TSC1: variants seen among roughly 807,000 people sequenced by gnomAD.
TSC1 encodes the protein hamartin.
A neutral mutation model predicts 124.3 loss-of-function variants in TSC1; 20 were observed. The ratio of observed to expected loss-of-function variants is 0.16; its 90% CI spans 0.11 to 0.23. The LOEUF (loss-of-function observed/expected upper bound fraction) is 0.23. Ranked by LOEUF, TSC1 falls within the 10% of genes least tolerant of loss-of-function variation. TSC1 has a pLI of 1.00. For synonymous variants in TSC1, 493 were observed against 539.1 expected (o/e 0.91, Z 1.19); for missense variants, 1,124 against 1,448.5 (o/e 0.78, Z 3.64).
At position 132,910,613 on chromosome 9, in the gene TSC1, C is replaced by T. The variant is rs745463008; in HGVS notation, c.1221G>A (p.Val407=). The T allele has an allele frequency of 6.2e-7, 1 of 1,614,084 alleles. No homozygotes were observed. Among genetic ancestry groups the T allele is most frequent in the South Asian group, 1.1e-5 (1 of 91,082 alleles). Residue 407 remains valine, a synonymous_variant, in exon 12 of 23, where the codon GTG becomes GTA. Transcript: ENST00000298552. ...PAPLCHSDDY[V]HISLPQATVT... ...CTGTGGCCTGGGGGAGTGAAATGTG[C>T]ACGTAGTCATCCGAATGACAGAGTG...
rs114315600 is a variant in TSC1, at chr9:132,910,414, T to G, written c.1263+157A>C. 99 of 1,409,248 alleles carry G rather than the reference T, an allele frequency of 7.0e-5. No homozygotes were observed. The African/African-American group carries it at 1.3e-3, about 18-fold the overall frequency. 87.3% of individuals were successfully genotyped at this position (1,409,248 alleles called of 1,614,324 possible). A position where few individuals can be genotyped will look rare whatever the true frequency, so the allele number is the denominator to read the frequency against. ...CACCCAGGGGTCGGCAGATCACACC[T>G]TGAGAGCAGCTTGTTAGTCCATTTT... On this transcript the variant is annotated intron_variant, in intron 12 of 22. Coordinates refer to ENST00000298552, the MANE Select transcript of TSC1 (RefSeq NM_000368.5).
At chr9:132,900,449 G>C (rs1251934119) in intron 20 of TSC1, 3 of 466,954 alleles carry the variant, frequency 6.4e-6, no homozygotes, top group Non-Finnish European at 1.2e-5. Flanking sequence ...GCCTAGGGAA[G>C]AGAAAGGAAA....
chr9:132,907,228 A>T (rs1845718040), intron 13 of TSC1, 73 bp downstream of exon 13: 2 of 1,308,200 alleles, frequency 1.5e-6, no homozygotes, highest in African/African-American at 2.9e-5. Context: ...TTTCCATTTA[A>T]CTTTCTTTTC....
Position 132,905,904 on chromosome 9 carries a change from G to A in TSC1, c.1674C>T (p.Pro558=), listed in dbSNP as rs878853962. ...CAGGGCTTTCATCAGCACTGCCGCAGGGCAGGTCTATGGGAGTAAAGGCTT... is the reference window on the plus strand; with the variant it reads ...CAGGGCTTTCATCAGCACTGCCGCAAGGCAGGTCTATGGGAGTAAAGGCTT... ...PKQAFTPIDL[P]CGSADESPAG... is the part of the protein sequence containing the mutation. The change falls in exon 15 of 23, where the codon CCC becomes CCT. Residue 558 remains proline (P), a synonymous_variant. Transcript: ENST00000298552. The A allele has an allele frequency of 5.0e-6, 8 of 1,612,448 alleles. No individual in the cohort carries two copies. In the East Asian group the frequency reaches 6.7e-5, roughly 13 times the overall value.
intron 6 of TSC1, among the ~76,000 whole-genome samples, chr9:132,922,310 G>A (rs1846613426): frequency 1.3e-5 from 2 of 152,080 alleles, no homozygotes; most frequent in South Asian, 4.1e-4. Context: ...CTATCTTTAT[G>A]ATGATAGCTC....
At chr9:132,931,807 G>A (rs1847218306) in intron 2 of TSC1, among the ~76,000 whole-genome samples, 1 of 152,150 alleles carries the variant, frequency 6.6e-6, no homozygotes, top group African/African-American at 2.4e-5. Context: ...ATGTTTTATA[G>A]CAGAAAAAAA....
chr9:132,928,479 A>C (rs1357544166), intron 3 of TSC1, among the ~76,000 whole-genome samples: 1 of 152,232 alleles, frequency 6.6e-6, no homozygotes, highest in East Asian at 1.9e-4. Context: ...ATTTACAGTT[A>C]AAGCAACATC....
chr9:132,937,524 AG>A (rs1847519657), intron 1 of TSC1, among the ~76,000 whole-genome samples: 1 of 152,250 alleles, frequency 6.6e-6, no homozygotes, highest in African/African-American at 2.4e-5. Flanking sequence ...TAGTCCAGTG[AG>A]TCATATAGAC....
chr9:132,917,450 C>T (rs879813249), intron 8 of TSC1, among the ~76,000 whole-genome samples: 3 of 152,162 alleles, frequency 2.0e-5, no homozygotes, highest in Non-Finnish European at 2.9e-5. Context: ...CCTGCCTCAG[C>T]CTCCCAAGTA....
chr9:132,900,632 A>G, intron 20 of TSC1, 83 bp downstream of exon 20: 3 of 1,605,370 alleles, frequency 1.9e-6, no homozygotes, highest in East Asian at 2.2e-5. Flanking sequence ...TCATCAAGCC[A>G]TTCTCTATGC....
intron 20 of TSC1, 73 bp downstream of exon 20, chr9:132,900,642 C>A (rs1157216304): frequency 6.2e-7 from 1 of 1,608,016 alleles, no homozygotes; most frequent in Non-Finnish European, 8.5e-7. Flanking sequence ...ATTCTCTATG[C>A]CATGCGGGAG....
intron 15 of TSC1, 97 bp downstream of exon 15, chr9:132,905,484 G>A (rs1485863898): frequency 6.5e-7 from 1 of 1,548,616 alleles, no homozygotes; most frequent in African/African-American, 1.4e-5. Context: ...CCTCAAGGTG[G>A]GAGTGTGAAG....
chr9:132,927,110 T>C, intron 4 of TSC1, 91 bp downstream of exon 4: 1 of 1,254,566 alleles, frequency 8.0e-7, no homozygotes, highest in Non-Finnish European at 1.1e-6. Flanking sequence ...ATCAAAAGAA[T>C]AAGCTCAGGA....
chr9:132,932,498 A>G (rs1847254120), intron 2 of TSC1, among the ~76,000 whole-genome samples: 1 of 152,218 alleles, frequency 6.6e-6, no homozygotes, highest in Non-Finnish European at 1.5e-5. Flanking sequence ...CCAAATAACC[A>G]CAAGAGACAT....
chr9:132,894,774 T>C lies in TSC1; in HGVS notation c.*1461A>G, dbSNP rs1219426178. ...GCACTAAGATTTCGTACCGTGACAG[T>C]TTTTTACCTCTTTATGACTGAATCC... On this transcript the variant is annotated 3_prime_UTR_variant, in exon 23 of 23. Coordinates refer to ENST00000298552, the MANE Select transcript of TSC1 (RefSeq NM_000368.5). 4.3e-6 allele frequency: 1 copy of C among 230,658 alleles called. No homozygotes were observed. The highest frequency in any genetic ancestry group is 8.6e-6 in the Non-Finnish European group (1 of 116,650). The allele number at this position is 230,658 out of a possible 1,614,324, so 14.3% of individuals were successfully genotyped here.
intron 1 of TSC1, among the ~76,000 whole-genome samples, chr9:132,935,603 T>C (rs1040865775): frequency 3.3e-5 from 5 of 152,348 alleles, no homozygotes; most frequent in South Asian, 2.1e-4. Flanking sequence ...GGAGGAGCCA[T>C]GTGAGGCAGG....
chr9:132,929,011 A>C, intron 2 of TSC1, 59 bp from the exon 3 acceptor site: 2 of 1,451,822 alleles, frequency 1.4e-6, no homozygotes, highest in South Asian at 1.3e-5. Flanking sequence ...ATAAAAAAAG[A>C]AAATACCTGC....
At chr9:132,905,547 A>G in intron 15 of TSC1, 34 bp downstream of exon 15, 1 of 1,612,904 alleles carries the variant, frequency 6.2e-7, no homozygotes, top group Non-Finnish European at 8.5e-7. Flanking sequence ...AAAATGGACC[A>G]TTTAACACAG....
At chr9:132,944,881 G>A (rs1848005079), upstream of TSC1, 1 of 336,264 alleles carries the variant, frequency 3.0e-6, no homozygotes, top group Non-Finnish European at 5.4e-6. Flanking sequence ...ACTCCGCGAA[G>A]GAGGCAAAAA....
Sources: gnomAD v4.1 joint callset for allele counts (sites outside exome capture counted in the v4.1 genomes callset) on GRCh38, gnomAD v4.1.1 for gene constraint, MANE v1.5 for transcripts, NCBI Gene and HGNC (gene_info 2026-07-23, HGNC 2026-07-21) for gene names.